DPP10: variants seen among roughly 807,000 people sequenced by gnomAD.
The protein encoded by DPP10 is dipeptidyl peptidase like 10.
Under a neutral mutation model 120.9 loss-of-function variants are expected in DPP10, and 33 were observed. The ratio of observed to expected loss-of-function variants is 0.27; its 90% CI spans 0.21 to 0.37. DPP10 has a LOEUF of 0.37. DPP10 is among the 10% of genes least tolerant of loss of function. The pLI is 1.00. For missense variants in DPP10, 816 were observed against 942.8 expected (o/e 0.87, Z 1.76); for synonymous variants, 337 against 326.1 (o/e 1.03, Z -0.36).
At chr2:115,302,471 G>A (rs1199669668) in intron 1 of DPP10, among the ~76,000 whole-genome samples, 2 of 151,920 alleles carry the variant, frequency 1.3e-5, no homozygotes, top group Non-Finnish European at 2.9e-5. Flanking sequence ...AAAAAAAGTA[G>A]CCAGGTATAG....
At chr2:115,332,518 G>GAAA in intron 2 of DPP10, among the ~76,000 whole-genome samples, 1 of 152,076 alleles carries the variant, frequency 6.6e-6, no homozygotes, top group Non-Finnish European at 1.5e-5. Context: ...TGTGTTGTTA[G>GAAA]GGTGTCTATT....
At chr2:115,584,465 A>G (rs2082172931) in intron 5 of DPP10, among the ~76,000 whole-genome samples, 1 of 152,194 alleles carries the variant, frequency 6.6e-6, no homozygotes, top group Non-Finnish European at 1.5e-5. Context: ...GGAAGAAGGG[A>G]AAAATGGAGG....
At chr2:114,445,549 T>TGA (rs1677893631) in intron 1 of DPP10, among the ~76,000 whole-genome samples, 1 of 144,708 alleles carries the variant, frequency 6.9e-6, no homozygotes, top group Non-Finnish European at 1.5e-5. Context: ...TGTGTGTGTG[T>TGA]GTGTGTGTGT....
chr2:114,690,531 C>G lies in DPP10; in HGVS notation c.60+247693C>G, dbSNP rs199562879. 4.6e-5 allele frequency among the ~76,000 whole-genome samples: 7 copies of G among 152,044 alleles called. No individual in the cohort carries two copies. In the East Asian group the frequency reaches 1.2e-3, roughly 25 times the overall value. On this transcript the variant is annotated intron_variant, in intron 1 of 25. Coordinates refer to ENST00000410059, the MANE Select transcript of DPP10 (RefSeq NM_020868.6). ...AAGCCAGGTAGCATGATGCCTCCAG[C>G]TTTGTTCTTTTGCTTAGGATTGTCT... is the stretch of plus-strand genomic sequence containing the variant.
At chr2:115,106,801 C>A (rs529259618) in intron 1 of DPP10, among the ~76,000 whole-genome samples, 12 of 152,066 alleles carry the variant, frequency 7.9e-5, no homozygotes, top group Non-Finnish European at 1.8e-4. Context: ...CCGGGCCGGG[C>A]GCGGTGGCTC....
intron 1 of DPP10, among the ~76,000 whole-genome samples, chr2:115,248,362 G>A (rs1407066764): frequency 2.0e-5 from 3 of 151,998 alleles, no homozygotes; most frequent in African/African-American, 4.8e-5. Context: ...TTAAACTATA[G>A]TTGTATACTC....
chr2:115,745,936 G>T lies in DPP10; in HGVS notation c.853-150G>T, dbSNP rs147189566. 3.2e-4 allele frequency: 184 copies of T among 572,370 alleles called. 1 individual carries two copies. The highest frequency in any genetic ancestry group is 5.0e-4 in the Non-Finnish European group (167 of 336,502). The allele number at this position is 572,370 out of a possible 1,614,324, so 35.5% of individuals were successfully genotyped here. A position where few individuals can be genotyped will look rare whatever the true frequency, so the allele number is the denominator to read the frequency against. On this transcript the variant is annotated intron_variant, in intron 9 of 25. Transcript: ENST00000410059. ...AAAAACAATTGAGGGCAATCATGTT[G>T]TCGAATTTAAAATCATTTCTACTTC...
At chr2:115,556,072 G>A (rs2080191185) in intron 5 of DPP10, among the ~76,000 whole-genome samples, 1 of 152,080 alleles carries the variant, frequency 6.6e-6, no homozygotes, top group African/African-American at 2.4e-5. Flanking sequence ...GAAAATTTCA[G>A]GATATTAGTA....
intron 5 of DPP10, among the ~76,000 whole-genome samples, chr2:115,585,093 TG>T (rs2082210054): frequency 6.6e-6 from 1 of 152,186 alleles, no homozygotes; most frequent in Admixed American, 6.5e-5. Flanking sequence ...AACTATTATG[TG>T]GGCCTGTATG....
intron 1 of DPP10, among the ~76,000 whole-genome samples, chr2:115,010,208 A>G (rs1702161596): frequency 6.6e-6 from 1 of 152,200 alleles, no homozygotes; most frequent in South Asian, 2.1e-4. Context: ...TTATGTAACA[A>G]TGGAATTAAG....
chr2:115,739,616 A>G (rs1198624317), intron 8 of DPP10, 123 bp from the exon 9 acceptor site: 2 of 1,019,298 alleles, frequency 2.0e-6, no homozygotes, highest in Non-Finnish European at 2.9e-6. Flanking sequence ...CAGGGAAGTT[A>G]ATAAAATTCA....
chr2:115,371,619 C>T (rs2106401793), intron 3 of DPP10, among the ~76,000 whole-genome samples: 1 of 152,074 alleles, frequency 6.6e-6, no homozygotes, highest in Non-Finnish European at 1.5e-5. Flanking sequence ...TTATCATTCC[C>T]AGTATTATTT....
At chr2:114,447,097 A>G (rs1677988525) in intron 1 of DPP10, among the ~76,000 whole-genome samples, 1 of 147,250 alleles carries the variant, frequency 6.8e-6, no homozygotes, top group African/African-American at 2.5e-5. Flanking sequence ...CCCAGTTTCA[A>G]GTGATTCTCC....
chr2:115,127,261 G>A (rs1195160572), intron 1 of DPP10, among the ~76,000 whole-genome samples: 3 of 152,130 alleles, frequency 2.0e-5, no homozygotes, highest in Admixed American at 6.6e-5. Flanking sequence ...GATTCTCTTC[G>A]TGTTAAAATG....
Position 115,060,458 on chromosome 2 carries a change from T to C in DPP10, c.61-248781T>C, listed in dbSNP as rs372790591. Among the ~76,000 whole-genome samples the C allele has an allele frequency of 2.2e-4, 33 of 152,184 alleles. 2 individuals carry two copies. The highest frequency in any genetic ancestry group is 1.7e-3 in the East Asian group (9 of 5,166). ...ATATACGAAAATTAGCTGGGTGTGG[T>C]GGCATATGCCTGTAGTCCCAGCACT... On this transcript the variant is annotated intron_variant, in intron 1 of 25. Transcript: ENST00000410059.
chr2:115,572,453 C>T (rs1362902749), intron 5 of DPP10, among the ~76,000 whole-genome samples: 2 of 152,092 alleles, frequency 1.3e-5, no homozygotes, highest in Non-Finnish European at 2.9e-5. Context: ...ACACACATTG[C>T]ACAACATGTA....
intron 1 of DPP10, among the ~76,000 whole-genome samples, chr2:114,919,299 T>C (rs1695027707): frequency 6.6e-6 from 1 of 152,220 alleles, no homozygotes; most frequent in Non-Finnish European, 1.5e-5. Flanking sequence ...ACTTTCACTC[T>C]TTTGTCTCAC....
At chr2:115,349,594 C>A (rs1471216620) in intron 3 of DPP10, among the ~76,000 whole-genome samples, 1 of 151,970 alleles carries the variant, frequency 6.6e-6, no homozygotes, top group Non-Finnish European at 1.5e-5. Flanking sequence ...GCTGGGAGGT[C>A]TCATTCTCAT....
At chr2:115,347,003 A>G (rs2063742473) in intron 3 of DPP10, among the ~76,000 whole-genome samples, 1 of 152,164 alleles carries the variant, frequency 6.6e-6, no homozygotes, top group Admixed American at 6.6e-5. Context: ...GTAGGGTGGA[A>G]AGGTATGAAA....
Sources: gnomAD v4.1 joint callset for allele counts (sites outside exome capture counted in the v4.1 genomes callset) on GRCh38, gnomAD v4.1.1 for gene constraint, MANE v1.5 for transcripts, NCBI Gene and HGNC (gene_info 2026-07-23, HGNC 2026-07-21) for gene names.